CADPS2: variants seen among roughly 807,000 people sequenced by gnomAD.
CADPS2 encodes calcium-dependent secretion activator 2.
A neutral mutation model predicts 172.5 loss-of-function variants in CADPS2; 93 were observed. That is an observed-to-expected ratio of 0.54 (90% CI 0.46 to 0.64). The LOEUF is 0.64. Ranked by LOEUF, CADPS2 falls within the 30% of genes least tolerant of loss-of-function variation. The pLI is 0.00. For missense variants in CADPS2, 1,420 were observed against 1,565.9 expected (o/e 0.91, Z 1.57); for synonymous variants, 546 against 555.2 (o/e 0.98, Z 0.23).
intron 2 of CADPS2, among the ~76,000 whole-genome samples, chr7:122,694,276 A>C (rs2084785274): frequency 6.6e-6 from 1 of 152,184 alleles, no homozygotes; most frequent in African/African-American, 2.4e-5. Flanking sequence ...AGAACCAAGA[A>C]TAAGTCTGAA....
Position 122,490,273 on chromosome 7 carries a change from C to A in CADPS2, c.1660G>T (p.Gly554Cys), listed in dbSNP as rs921090983. 5.6e-6 allele frequency: 9 copies of A among 1,612,480 alleles called. No homozygotes were observed. The highest frequency in any genetic ancestry group is 1.7e-5 in the Admixed American group (1 of 59,918). The change falls in exon 11 of 30, where the codon GGT becomes TGT. Residue 554 changes from glycine (G) to cysteine (C), a missense_variant. Gly to Cys is a radical substitution (Grantham distance 159). Transcript: ENST00000449022. ...DYTDPHPGLQ[G>C]GCMFFNAVKE... is the part of the protein sequence containing the mutation. ...ACAGCATTAAAGAACATACAACCACCCTGAAGGCCTGTGGAGGAAACAAAA... is the reference window on the plus strand; with the variant it reads ...ACAGCATTAAAGAACATACAACCACACTGAAGGCCTGTGGAGGAAACAAAA...
intron 2 of CADPS2, among the ~76,000 whole-genome samples, chr7:122,710,818 G>A (rs2088579662): frequency 6.6e-6 from 1 of 151,912 alleles, no homozygotes; most frequent in South Asian, 2.1e-4. Flanking sequence ...TATAATTAGA[G>A]GCATATATGT....
At chr7:122,532,171 A>T (rs2061819799) in intron 8 of CADPS2, among the ~76,000 whole-genome samples, 1 of 152,224 alleles carries the variant, frequency 6.6e-6, no homozygotes, top group South Asian at 2.1e-4. Flanking sequence ...TCTACATAAT[A>T]CAACAAATGA....
intron 1 of CADPS2, among the ~76,000 whole-genome samples, chr7:122,855,074 TA>T (rs1236401958): frequency 1.3e-5 from 2 of 152,228 alleles, no homozygotes; most frequent in Admixed American, 1.3e-4. Context: ...GAAAGCTTTT[TA>T]AAGTGTGACT....
intron 3 of CADPS2, among the ~76,000 whole-genome samples, chr7:122,662,886 T>C (rs1472520149): frequency 2.0e-5 from 3 of 152,188 alleles, no homozygotes; most frequent in African/African-American, 4.8e-5. Flanking sequence ...CAGTGAGAAA[T>C]ACCTATTTAT....
chr7:122,815,482 T>C (rs1801092623), intron 1 of CADPS2, among the ~76,000 whole-genome samples: 1 of 152,098 alleles, frequency 6.6e-6, no homozygotes, highest in East Asian at 1.9e-4. Flanking sequence ...TTAACCCTCA[T>C]TTAGAAGTCA....
intron 8 of CADPS2, among the ~76,000 whole-genome samples, chr7:122,519,826 A>T (rs1316803862): frequency 6.6e-6 from 1 of 151,866 alleles, no homozygotes; most frequent in Non-Finnish European, 1.5e-5. Context: ...AAAAAAGTTA[A>T]GAGAAAACAT....
chr7:122,808,260 C>T (rs1799240652), intron 1 of CADPS2, among the ~76,000 whole-genome samples: 2 of 152,206 alleles, frequency 1.3e-5, no homozygotes, highest in Admixed American at 6.5e-5. Context: ...AAACTGCTTC[C>T]CTGGCAACAT....
At chr7:122,615,361 A>C in intron 5 of CADPS2, 62 bp from the exon 6 acceptor site, 1 of 1,111,206 alleles carries the variant, frequency 9.0e-7, no homozygotes, top group Non-Finnish European at 1.3e-6. Flanking sequence ...ATATACATAA[A>C]CAGCAGCATG....
At chr7:122,879,608 C>T (rs926381428) in intron 1 of CADPS2, among the ~76,000 whole-genome samples, 2 of 151,812 alleles carry the variant, frequency 1.3e-5, no homozygotes, top group Non-Finnish European at 2.9e-5. Flanking sequence ...CTTACAAATA[C>T]TCATCCTCAC....
In CADPS2 at chr7:122,663,241, C is replaced by A. The variant is rs377579773; in HGVS notation, c.782G>T (p.Cys261Phe). 3.7e-6 allele frequency: 6 copies of A among 1,605,042 alleles called. No homozygotes were observed. Among genetic ancestry groups the A allele is most frequent in the African/African-American group, 1.3e-5 (1 of 74,872 alleles). The change falls in exon 3 of 30, where the codon TGT (cysteine) becomes TTT (phenylalanine). Residue 261 changes from cysteine (C) to phenylalanine (F), a missense_variant. Transcript: ENST00000449022. ...KLEHQLLYNA[C>F]QLDNADEQAA... ...AAAATATCAGAGACCACTTACCTGA[C>A]ATGCATTATAAAGGAGCTGGTGTTC...
intron 2 of CADPS2, chr7:122,698,037 G>A (rs1258127286): frequency 1.2e-5 from 20 of 1,613,442 alleles, no homozygotes; most frequent in Non-Finnish European, 1.6e-5. Flanking sequence ...ATTTGCAAAT[G>A]GGGCATGTCC....
At chr7:122,685,921 T>TCC (rs1445477663) in intron 2 of CADPS2, among the ~76,000 whole-genome samples, 1 of 152,156 alleles carries the variant, frequency 6.6e-6, no homozygotes, top group Non-Finnish European at 1.5e-5. Flanking sequence ...CTACATACAC[T>TCC]CCCAATGCCT....
chr7:122,541,297 A>G (rs1007246715), intron 8 of CADPS2, among the ~76,000 whole-genome samples: 1 of 150,730 alleles, frequency 6.6e-6, no homozygotes, highest in Non-Finnish European at 1.5e-5. Flanking sequence ...CCTGGATTCA[A>G]GCAATTTTCC....
chr7:122,345,228 C>T (rs568486222), intron 28 of CADPS2, among the ~76,000 whole-genome samples: 38 of 152,270 alleles, frequency 2.5e-4, no homozygotes, highest in South Asian at 4.2e-4. Flanking sequence ...CCGGCTCAAG[C>T]GATTCTTGTG....
chr7:122,722,001 C>T (rs543742069), intron 2 of CADPS2, among the ~76,000 whole-genome samples: 53 of 152,128 alleles, frequency 3.5e-4, no homozygotes, highest in Non-Finnish European at 5.6e-4. Context: ...ACCCTTCATG[C>T]TAAAAACTCT....
intron 1 of CADPS2, among the ~76,000 whole-genome samples, chr7:122,836,835 T>A (rs1395909210): frequency 6.6e-6 from 1 of 152,054 alleles, no homozygotes. Flanking sequence ...AATGGGAGAC[T>A]TTAACACCCC....
chr7:122,375,014 C>A (rs963309953), intron 25 of CADPS2, among the ~76,000 whole-genome samples: 2 of 151,994 alleles, frequency 1.3e-5, no homozygotes, highest in Admixed American at 1.3e-4. Flanking sequence ...AATGTGTACA[C>A]TGAAAAGTAT....
chr7:122,883,727 C>T (rs1823559508), intron 1 of CADPS2, among the ~76,000 whole-genome samples: 2 of 152,156 alleles, frequency 1.3e-5, no homozygotes, highest in African/African-American at 2.4e-5. Context: ...AAAGTAAATA[C>T]TTAGGCTATT....
Sources: allele counts gnomAD v4.1 joint callset (sites outside exome capture counted in the v4.1 genomes callset), GRCh38; gene constraint gnomAD v4.1.1; transcripts MANE v1.5; gene names NCBI Gene and HGNC (gene_info 2026-07-23, HGNC 2026-07-21).